The following HOMER1 variants were observed in gnomAD, a reference collection of about 807,000 sequenced individuals.
HOMER1 encodes the protein homer scaffold protein 1.
In HOMER1, 3 loss-of-function variants were observed where a neutral mutation model predicts 48.9. The ratio of observed to expected loss-of-function variants is 0.06; its 90% CI spans 0.03 to 0.16. The LOEUF (loss-of-function observed/expected upper bound fraction) is 0.16. Ranked by LOEUF, HOMER1 falls within the 10% of genes least tolerant of loss-of-function variation. HOMER1 has a pLI of 1.00. For synonymous variants in HOMER1, 134 were observed against 146.4 expected (o/e 0.92, Z 0.61); for missense variants, 247 against 411.4 (o/e 0.60, Z 3.46).
intron 5 of HOMER1, among the ~76,000 whole-genome samples, chr5:79,437,131 A>C (rs1750603653): frequency 6.6e-6 from 1 of 152,210 alleles, no homozygotes; most frequent in Admixed American, 6.5e-5. Flanking sequence ...CCAAATACTA[A>C]GGATTAACAA....
chr5:79,452,503 C>A (rs1751056383), intron 2 of HOMER1, among the ~76,000 whole-genome samples: 1 of 152,194 alleles, frequency 6.6e-6, no homozygotes, highest in Non-Finnish European at 1.5e-5. Context: ...CAGTCATCTG[C>A]TGAACTCTTA....
chr5:79,493,170 A>G (rs1469738550), intron 1 of HOMER1, among the ~76,000 whole-genome samples: 1 of 152,064 alleles, frequency 6.6e-6, no homozygotes, highest in Non-Finnish European at 1.5e-5. Flanking sequence ...CGCCTGTCTC[A>G]GCCTCCCAAA....
chr5:79,414,356 A>G (rs1333353565), intron 5 of HOMER1, among the ~76,000 whole-genome samples: 1 of 149,538 alleles, frequency 6.7e-6, no homozygotes, highest in Non-Finnish European at 1.5e-5. Flanking sequence ...CAGCCTCCCA[A>G]CAGTGCACCT....
chr5:79,500,828 TTGGCCAGGC>T (rs1343648970), intron 1 of HOMER1, among the ~76,000 whole-genome samples: 1 of 151,974 alleles, frequency 6.6e-6, no homozygotes, highest in Non-Finnish European at 1.5e-5. Context: ...TTTTGCCATG[TTGGCCAGGC>T]TGGTCTCAAA....
chr5:79,445,805 T>C (rs1750859287), intron 4 of HOMER1, among the ~76,000 whole-genome samples: 1 of 152,092 alleles, frequency 6.6e-6, no homozygotes. Flanking sequence ...TCCCAGCTAC[T>C]TGGGAGGCTG....
chr5:79,507,602 T>C (rs1455969856), intron 1 of HOMER1, among the ~76,000 whole-genome samples: 1 of 152,100 alleles, frequency 6.6e-6, no homozygotes, highest in Non-Finnish European at 1.5e-5. Flanking sequence ...TCAGAAAACA[T>C]TAAGCACTCG....
At chr5:79,500,955 GACAGACAGACACAC>G (rs1411011404) in intron 1 of HOMER1, among the ~76,000 whole-genome samples, 9 of 109,604 alleles carry the variant, frequency 8.2e-5, no homozygotes, top group Non-Finnish European at 1.0e-4. Flanking sequence ...GTGTGTGTGA[GACAGACAGACACAC>G]ACACACACAC....
At chr5:79,493,005 G>A (rs1016292228) in intron 1 of HOMER1, among the ~76,000 whole-genome samples, 1 of 133,840 alleles carries the variant, frequency 7.5e-6, no homozygotes, top group African/African-American at 2.8e-5. Context: ...TGTAACCTCC[G>A]CCTTCCAGGT....
chr5:79,481,143 C>T (rs1248003468), intron 1 of HOMER1, among the ~76,000 whole-genome samples: 2 of 152,158 alleles, frequency 1.3e-5, no homozygotes, highest in Non-Finnish European at 2.9e-5. Context: ...TACTGGGCAG[C>T]ACTTTCAGAG....
In HOMER1 at chr5:79,439,056, C is replaced by G. The variant is rs1346817873; in HGVS notation, c.481G>C (p.Glu161Gln). The change falls in exon 5 of 9, where the codon GAG (glutamate) becomes CAG (glutamine). Residue 161 changes from glutamate (E) to glutamine (Q), a missense_variant. This residue lies in a region of HOMER1 where 94 missense variants were observed against 112.4 expected (regional missense o/e 0.84). Transcript: ENST00000334082. ...TTCTGAGTTGGTTCAGCCCTTGGCT[C>G]TGAGTTCTGTGTCACATCAGGTGTT... ...ERTPDVTQNSEPRAEPTQNAL... is the reference protein window; with the variant it reads ...ERTPDVTQNSQPRAEPTQNAL... 1 of 1,613,950 alleles carries G rather than the reference C, an allele frequency of 6.2e-7. No homozygotes were observed.
chr5:79,471,132 A>G (rs1391024896), intron 1 of HOMER1, among the ~76,000 whole-genome samples: 1 of 152,196 alleles, frequency 6.6e-6, no homozygotes, highest in African/African-American at 2.4e-5. Context: ...CCTTTTCTGT[A>G]TATCTGGAAC....
intron 1 of HOMER1, among the ~76,000 whole-genome samples, chr5:79,507,212 C>CAAAAAAAAAAAAAAAA (rs34697575): frequency 1.9e-5 from 1 of 51,900 alleles, no homozygotes; most frequent in Non-Finnish European, 3.6e-5. Flanking sequence ...GGCTCTATCT[C>CAAAAAAAAAAAAAAAA]AAAAAAAAAA....
intron 5 of HOMER1, among the ~76,000 whole-genome samples, chr5:79,415,586 C>G (rs1749923048): frequency 6.6e-6 from 1 of 152,120 alleles, no homozygotes; most frequent in Admixed American, 6.6e-5. Context: ...TTGTCATAGT[C>G]ATAGTTTAAT....
At chr5:79,381,134 T>A (rs1028603590) in intron 8 of HOMER1, among the ~76,000 whole-genome samples, 5 of 151,556 alleles carry the variant, frequency 3.3e-5, no homozygotes, top group Admixed American at 2.6e-4. Context: ...GGTACCACCA[T>A]CAGGGTCCAA....
rs142328749 is a variant in HOMER1 at position 79,381,885 on chromosome 5, CAA to C, written c.877-5690_877-5689del. On this transcript the variant is annotated intron_variant, in intron 8 of 8. Transcript: ENST00000334082. ...GGGCCACAAAGCAAGACTCCATCTC[CAA>C]AAAAAAAAAAGTACAAAGAAATCTG... Among the ~76,000 whole-genome samples the C allele has an allele frequency of 9.8e-3, 1,357 of 138,008 alleles. 9 individuals are homozygous for C. The highest frequency in any genetic ancestry group is 0.017 in the Non-Finnish European group (1,066 of 63,110). 90.5% of individuals were successfully genotyped at this position (138,008 alleles called of 152,430 possible).
At chr5:79,473,744 G>C (rs4132033) in intron 1 of HOMER1, among the ~76,000 whole-genome samples, 82,524 of 151,978 alleles carry the variant, frequency 0.54, 23,381 homozygotes, top group East Asian at 0.75. Context: ...ATACTAATTA[G>C]AAAGGTACTA....
chr5:79,458,296 G>C (rs184593863), intron 1 of HOMER1, among the ~76,000 whole-genome samples: 246 of 151,894 alleles, frequency 1.6e-3, no homozygotes, highest in African/African-American at 5.8e-3. Flanking sequence ...GTTTTTTTAA[G>C]AGCCCAAATA....
intron 5 of HOMER1, among the ~76,000 whole-genome samples, chr5:79,427,313 T>C (rs1750283575): frequency 6.6e-6 from 1 of 152,216 alleles, no homozygotes; most frequent in Non-Finnish European, 1.5e-5. Context: ...TGTATTTTTA[T>C]TCGTATTTAA....
intron 2 of HOMER1, among the ~76,000 whole-genome samples, chr5:79,456,154 A>C (rs2112301743): frequency 6.6e-6 from 1 of 151,932 alleles, no homozygotes; most frequent in South Asian, 2.1e-4. Flanking sequence ...TCAAAAAAAA[A>C]AAAAAAAAAG....
Sources: allele counts gnomAD v4.1 joint callset (sites outside exome capture counted in the v4.1 genomes callset), GRCh38; gene constraint gnomAD v4.1.1; regional missense constraint gnomAD v4.1.1; transcripts MANE v1.5; gene names NCBI Gene and HGNC (gene_info 2026-07-23, HGNC 2026-07-21).